PI4K2B: variants seen among roughly 807,000 people sequenced by gnomAD.
The protein encoded by PI4K2B is phosphatidylinositol 4-kinase type 2 beta.
A neutral mutation model predicts 56.6 loss-of-function variants in PI4K2B; 46 were observed. The observed-to-expected ratio is 0.81, with a 90% CI of 0.64 to 1.04. The LOEUF (loss-of-function observed/expected upper bound fraction) is 1.04, where lower values mean the gene tolerates loss of function less well. Ranked by LOEUF, PI4K2B falls within the 50% of genes least tolerant of loss-of-function variation. The probability of loss-of-function intolerance (pLI) is 0.00; values close to 1 mark genes in which losing one functional copy is unlikely to be tolerated. For synonymous variants in PI4K2B, 211 were observed against 223.8 expected (o/e 0.94, Z 0.51); for missense variants, 556 against 607.7 (o/e 0.91, Z 0.89).
chr4:25,252,199 A>T, intron 1 of PI4K2B, 122 bp from the exon 2 acceptor site: 2 of 627,218 alleles, frequency 3.2e-6, no homozygotes, highest in South Asian at 4.5e-5. Context: ...GGAGGATTAG[A>T]GCAGTCTATA....
At chr4:25,269,937 C>T (rs575459575) in intron 9 of PI4K2B, among the ~76,000 whole-genome samples, 106 of 151,994 alleles carry the variant, frequency 7.0e-4, no homozygotes, top group Middle Eastern at 6.8e-3. Context: ...AGGATGGTCT[C>T]GATCTCCTGA....
chr4:25,245,222 G>T (rs956245694), intron 1 of PI4K2B, among the ~76,000 whole-genome samples: 4 of 152,156 alleles, frequency 2.6e-5, no homozygotes, highest in African/African-American at 7.2e-5. Flanking sequence ...CCTAAAGAAG[G>T]TAACAGTTTA....
Position 25,247,122 on chromosome 4 carries a change from A to G in PI4K2B, c.269-5199A>G, listed in dbSNP as rs577052670. ...ACGGCCAGAGTGGGCACCTAGGCCA[A>G]GGAGGTGTGGTGAGTGAGCAAGGGC... On this transcript the variant is annotated intron_variant, in intron 1 of 9. Coordinates refer to ENST00000264864, the MANE Select transcript of PI4K2B (RefSeq NM_018323.4). Among the ~76,000 whole-genome samples, 5 of 152,362 alleles carry G rather than the reference A, an allele frequency of 3.3e-5. No homozygotes were observed. In the South Asian group the frequency reaches 8.3e-4, roughly 25 times the overall value.
rs757906689 is a variant in PI4K2B at position 25,277,073 on chromosome 4, A to G, written c.1332A>G (p.Ile444Met). Reference protein sequence around the residue: ...DGKSPFQLVQIPCVIVERSQG... With the variant: ...DGKSPFQLVQMPCVIVERSQG... ...AGAGTCCTTTCCAGCTAGTACAGAT[A>G]CCTTGTGTGATTGTGGAACGCAGTC... is the stretch of plus-strand genomic sequence containing the variant. Residue 444 changes from isoleucine to methionine, a missense_variant, in exon 10 of 10, where the codon ATA becomes ATG. By Grantham distance (10) the Ile-to-Met change is conservative (BLOSUM62 1). Transcript: ENST00000264864. 2 of 1,613,740 alleles carry G rather than the reference A, an allele frequency of 1.2e-6. No individual in the cohort carries two copies. Among genetic ancestry groups the G allele is most frequent in the South Asian group, 1.1e-5 (1 of 91,052 alleles).
chr4:25,238,229 A>G (rs1441042613), intron 1 of PI4K2B, among the ~76,000 whole-genome samples: 2 of 152,226 alleles, frequency 1.3e-5, no homozygotes, highest in South Asian at 2.1e-4. Context: ...CTTGAGAGAA[A>G]CACAATCATG....
intron 2 of PI4K2B, among the ~76,000 whole-genome samples, chr4:25,253,497 A>G (rs10025935): frequency 0.032 from 4,889 of 152,230 alleles, 111 homozygotes; most frequent in African/African-American, 0.069. Flanking sequence ...TTAAGATTAA[A>G]ATGTATTTGA....
intron 1 of PI4K2B, among the ~76,000 whole-genome samples, chr4:25,249,782 G>A (rs1715966582): frequency 6.6e-6 from 1 of 152,026 alleles, no homozygotes; most frequent in African/African-American, 2.4e-5. Context: ...ACGATGGGCG[G>A]CCAGGCAGAG....
intron 1 of PI4K2B, among the ~76,000 whole-genome samples, chr4:25,235,999 A>C (rs948928504): frequency 6.6e-6 from 1 of 151,368 alleles, no homozygotes; most frequent in South Asian, 2.1e-4. Context: ...TATAAAAAAT[A>C]AACAACAACA....
chr4:25,239,185 G>A (rs1025888876), intron 1 of PI4K2B, among the ~76,000 whole-genome samples: 4 of 152,230 alleles, frequency 2.6e-5, no homozygotes, highest in Non-Finnish European at 5.9e-5. Context: ...TTCACCCAGT[G>A]GATCCCACAC....
Position 25,234,146 on chromosome 4 carries a change from AG to A in PI4K2B, c.-15del. On this transcript the variant is annotated 5_prime_UTR_variant, in exon 1 of 10. Coordinates refer to ENST00000264864, the MANE Select transcript of PI4K2B (RefSeq NM_018323.4). ...CTGCTCTGATCTGGTCTCAGCGCGG[AG>A]GGAGCAGAGGGAGTCCATGGAGGAT... The A allele has an allele frequency of 7.6e-7, 1 of 1,320,674 alleles. No homozygotes were observed. The highest frequency in any genetic ancestry group is 2.2e-4 in the Middle Eastern group (1 of 4,498). 81.8% of individuals were successfully genotyped at this position (1,320,674 alleles called of 1,614,324 possible). A position where few individuals can be genotyped will look rare whatever the true frequency, so the allele number is the denominator to read the frequency against.
At chr4:25,267,617 T>C (rs535308987) in intron 7 of PI4K2B, 13 of 201,416 alleles carry the variant, frequency 6.5e-5, no homozygotes, top group East Asian at 5.6e-4. Flanking sequence ...GGGATTCTCA[T>C]TGGATATGCT....
intron 1 of PI4K2B, among the ~76,000 whole-genome samples, chr4:25,236,135 T>A (rs1424477554): frequency 1.3e-5 from 2 of 151,908 alleles, no homozygotes; most frequent in Admixed American, 6.6e-5. Flanking sequence ...AGATCTTTTT[T>A]AAAAAAATAT....
intron 1 of PI4K2B, among the ~76,000 whole-genome samples, chr4:25,248,719 C>T (rs313562): frequency 0.22 from 33,353 of 151,634 alleles, 3,866 homozygotes; most frequent in South Asian, 0.35. Context: ...TTAACATGTA[C>T]ATTAAAATTT....
rs567677299 is a variant in PI4K2B at position 25,276,808 on chromosome 4, T to C, written c.1273-206T>C. On this transcript the variant is annotated intron_variant, in intron 9 of 9. Transcript: ENST00000264864. ...AGTTATTTAATGCTAATTGTGTGTG[T>C]GTGTGTGTGCGCGTGTGTGTGTGCG... The C allele has an allele frequency of 1.3e-3, 1,272 of 979,474 alleles. 57 individuals carry two copies. In the Admixed American group the frequency reaches 0.068, roughly 52 times the overall value. 60.7% of individuals were successfully genotyped at this position (979,474 alleles called of 1,614,324 possible).
chr4:25,246,055 T>C lies in PI4K2B; in HGVS notation c.269-6266T>C, dbSNP rs370409741. The stretch of plus-strand genomic sequence containing the variant: ...TGTTCGGATGTGTTCGGAGTTTCTT[T>C]CTTCTGGTGGGTTCGTGGTCTCGCT... On this transcript the variant is annotated intron_variant, in intron 1 of 9. Transcript: ENST00000264864. Among the ~76,000 whole-genome samples the C allele has an allele frequency of 1.2e-3, 178 of 152,146 alleles. 2 individuals carry two copies. The South Asian group carries it at 0.021, about 18-fold the overall frequency.
intron 1 of PI4K2B, among the ~76,000 whole-genome samples, chr4:25,248,707 T>C (rs1715901845): frequency 6.6e-6 from 1 of 152,062 alleles, no homozygotes; most frequent in African/African-American, 2.4e-5. Context: ...TATTATGCAT[T>C]GTTAACATGT....
intron 1 of PI4K2B, among the ~76,000 whole-genome samples, chr4:25,242,075 A>G (rs947137890): frequency 1.3e-5 from 2 of 152,224 alleles, no homozygotes; most frequent in Non-Finnish European, 2.9e-5. Flanking sequence ...GGGTGAGGAT[A>G]AGCCAGTATA....
In PI4K2B at chr4:25,277,015, T is replaced by C; in HGVS notation, c.1274T>C (p.Ile425Thr). Residue 425 changes from isoleucine (I) to threonine (T), a missense_variant and splice_region_variant, in exon 10 of 10, where the codon ATC becomes ACC. Transcript: ENST00000264864. The stretch of plus-strand genomic sequence containing the variant: ...TAAAAATCTCTCTTCTTCCCACAGA[T>C]CTTAAACCTTACTCAGGCATTGAGA... ...ESQMSVMRGQILNLTQALRDG... is the reference protein window; with the variant it reads ...ESQMSVMRGQTLNLTQALRDG... The C allele has an allele frequency of 6.3e-7, 1 of 1,577,286 alleles. No individual in the cohort carries two copies. The highest frequency in any genetic ancestry group is 8.7e-7 in the Non-Finnish European group (1 of 1,153,958).
At chr4:25,267,798 T>C (rs983058242) in intron 7 of PI4K2B, 2 of 977,824 alleles carry the variant, frequency 2.0e-6, no homozygotes, top group Non-Finnish European at 2.4e-6. Flanking sequence ...CATGGATCTT[T>C]TGTCTCTTAA....
Sources: gnomAD v4.1 joint callset for allele counts (sites outside exome capture counted in the v4.1 genomes callset) on GRCh38, gnomAD v4.1.1 for gene constraint, MANE v1.5 for transcripts, NCBI Gene and HGNC (gene_info 2026-07-23, HGNC 2026-07-21) for gene names.